The following NRG1 variants were observed in gnomAD, a reference collection of about 807,000 sequenced individuals.
NRG1 encodes the protein pro-neuregulin-1, membrane-bound isoform.
Under a neutral mutation model 63.8 loss-of-function variants are expected in NRG1, and 18 were observed. That is an observed-to-expected ratio of 0.28 (90% CI 0.19 to 0.42). The LOEUF is 0.42. Ranked by LOEUF, NRG1 falls within the 10% of genes least tolerant of loss-of-function variation. The pLI is 1.00. For missense variants in NRG1, 762 were observed against 814.7 expected (o/e 0.94, Z 0.79); for synonymous variants, 302 against 301.3 (o/e 1.00, Z -0.02).
intron 1 of NRG1, among the ~76,000 whole-genome samples, chr8:32,452,120 G>A (rs1367484475): frequency 6.6e-6 from 1 of 152,126 alleles, no homozygotes; most frequent in Admixed American, 6.6e-5. Flanking sequence ...GAGCCACCGT[G>A]CCCAGCCCTA....
intron 1 of NRG1, among the ~76,000 whole-genome samples, chr8:32,227,577 C>G (rs138820824): frequency 6.6e-6 from 1 of 152,216 alleles, no homozygotes; most frequent in East Asian, 1.9e-4. Flanking sequence ...TCAAGCATTT[C>G]TCTGTTTCTC....
At chr8:31,875,968 T>G (rs553526156) in intron 1 of NRG1, among the ~76,000 whole-genome samples, 15 of 152,222 alleles carry the variant, frequency 9.9e-5, no homozygotes, top group Admixed American at 1.3e-4. Flanking sequence ...CTACTCATGA[T>G]AGCAGGGGGC....
chr8:31,705,866 A>G (rs1342985749), intron 1 of NRG1, among the ~76,000 whole-genome samples: 1 of 152,242 alleles, frequency 6.6e-6, no homozygotes, highest in Non-Finnish European at 1.5e-5. Context: ...CTAATGCCCA[A>G]GTAAAAACAA....
At chr8:32,234,769 G>C (rs1398181051) in intron 1 of NRG1, among the ~76,000 whole-genome samples, 2 of 152,204 alleles carry the variant, frequency 1.3e-5, no homozygotes, top group Admixed American at 1.3e-4. Context: ...TGTGGTTTTT[G>C]TTCCCAGAGT....
rs566013322 is a variant in NRG1 at position 31,914,941 on chromosome 8, T to C, written c.37+275510T>C. Among the ~76,000 whole-genome samples the C allele has an allele frequency of 1.1e-3, 166 of 152,190 alleles. 2 individuals carry two copies. Among genetic ancestry groups the C allele is most frequent in the African/African-American group, 3.8e-3 (156 of 41,540 alleles). Reference sequence around the variant, plus strand: ...TGGTATTATTTGCTCTTCCCCAGAGTCACCATATGGTATAAATTATTTTAA... The same window carrying C: ...TGGTATTATTTGCTCTTCCCCAGAGCCACCATATGGTATAAATTATTTTAA... On this transcript the variant is annotated intron_variant, in intron 1 of 10. Coordinates refer to the NRG1 transcript ENST00000519301.
At chr8:31,692,882 G>T (rs1585708511) in intron 1 of NRG1, among the ~76,000 whole-genome samples, 1 of 152,314 alleles carries the variant, frequency 6.6e-6, no homozygotes, top group Middle Eastern at 3.4e-3. Context: ...ATTTAACAAT[G>T]CTCATCTTAA....
intron 1 of NRG1, among the ~76,000 whole-genome samples, chr8:31,703,273 C>T (rs1343444425): frequency 4.0e-5 from 6 of 151,530 alleles, no homozygotes; most frequent in African/African-American, 1.5e-4. Context: ...CCCTCATTTA[C>T]AACTTATAGA....
At chr8:32,525,958 C>T (rs1245416309) in intron 1 of NRG1, among the ~76,000 whole-genome samples, 3 of 152,110 alleles carry the variant, frequency 2.0e-5, no homozygotes, top group Admixed American at 2.0e-4. Flanking sequence ...TCTTGTGTGT[C>T]GATACCCATT....
At chr8:32,339,004 T>A (rs1203595047) in intron 1 of NRG1, among the ~76,000 whole-genome samples, 1 of 152,060 alleles carries the variant, frequency 6.6e-6, no homozygotes, top group Non-Finnish European at 1.5e-5. Flanking sequence ...AGATCCCTGA[T>A]AAAGCACATG....
intron 1 of NRG1, among the ~76,000 whole-genome samples, chr8:31,840,204 G>T (rs1357073777): frequency 6.6e-6 from 1 of 152,102 alleles, no homozygotes; most frequent in Non-Finnish European, 1.5e-5. Flanking sequence ...TGACGGTCCT[G>T]TTGCAAATTC....
intron 1 of NRG1, among the ~76,000 whole-genome samples, chr8:31,708,015 A>G (rs552138844): frequency 6.6e-6 from 1 of 152,124 alleles, no homozygotes; most frequent in East Asian, 1.9e-4. Flanking sequence ...ATTTTGTCAT[A>G]AAGCATGATA....
chr8:31,658,513 A>G (rs1412671187), intron 1 of NRG1, among the ~76,000 whole-genome samples: 1 of 152,108 alleles, frequency 6.6e-6, no homozygotes, highest in Non-Finnish European at 1.5e-5. Context: ...CCCAGGCTGG[A>G]GTGCAGTGGT....
At chr8:32,594,004 A>G (rs1476768965) in intron 1 of NRG1, among the ~76,000 whole-genome samples, 1 of 152,182 alleles carries the variant, frequency 6.6e-6, no homozygotes, top group African/African-American at 2.4e-5. Context: ...CACCAAATAA[A>G]TAATAAGGGG....
intron 1 of NRG1, among the ~76,000 whole-genome samples, chr8:32,423,470 C>CT (rs1195886104): frequency 6.6e-6 from 1 of 152,078 alleles, no homozygotes; most frequent in Non-Finnish European, 1.5e-5. Flanking sequence ...AAAGTGAAAT[C>CT]TTGTCTCTAC....
intron 1 of NRG1, among the ~76,000 whole-genome samples, chr8:32,355,870 C>A (rs1214277159): frequency 1.3e-5 from 2 of 152,138 alleles, no homozygotes; most frequent in Non-Finnish European, 2.9e-5. Context: ...TTCAATGACT[C>A]AGCATAGTGT....
intron 1 of NRG1, among the ~76,000 whole-genome samples, chr8:32,057,491 T>A (rs994371099): frequency 6.6e-6 from 1 of 152,110 alleles, no homozygotes; most frequent in Non-Finnish European, 1.5e-5. Context: ...AATTGCCACC[T>A]CATTAATATG....
At chr8:31,667,164 A>G (rs1177573974) in intron 1 of NRG1, among the ~76,000 whole-genome samples, 1 of 152,168 alleles carries the variant, frequency 6.6e-6, no homozygotes, top group Admixed American at 6.6e-5. Context: ...ATTCCCTGCA[A>G]AGACTCAACC....
intron 1 of NRG1, among the ~76,000 whole-genome samples, chr8:31,691,427 C>G (rs1231091330): frequency 6.6e-6 from 1 of 151,402 alleles, no homozygotes; most frequent in African/African-American, 2.4e-5. Context: ...AACCCCGTCT[C>G]TACTAAAAAT....
intron 1 of NRG1, among the ~76,000 whole-genome samples, chr8:32,475,258 A>T (rs1236615441): frequency 6.6e-6 from 1 of 151,938 alleles, no homozygotes; most frequent in Non-Finnish European, 1.5e-5. Context: ...CGAGGTCAAG[A>T]GATCGAGACC....
Sources: gnomAD v4.1 joint callset for allele counts (sites outside exome capture counted in the v4.1 genomes callset) on GRCh38, gnomAD v4.1.1 for gene constraint, MANE v1.5 for transcripts, NCBI Gene and HGNC (gene_info 2026-07-23, HGNC 2026-07-21) for gene names.